The following ADAMTS10 variants were observed in gnomAD, a reference collection of about 807,000 sequenced individuals.
ADAMTS10 encodes the protein A disintegrin and metalloproteinase with thrombospondin motifs 10.
ADAMTS10 carries 48 observed loss-of-function variants against 135.9 expected under a neutral mutation model. The ratio of observed to expected loss-of-function variants is 0.35; its 90% CI spans 0.28 to 0.45. The LOEUF (loss-of-function observed/expected upper bound fraction) is 0.45. Ranked by LOEUF, ADAMTS10 falls within the 20% of genes least tolerant of loss-of-function variation. The pLI, the probability that ADAMTS10 is intolerant of heterozygous loss-of-function variation, is 1.00. For synonymous variants in ADAMTS10, 621 were observed against 647.5 expected (o/e 0.96, Z 0.62); for missense variants, 1,131 against 1,565.2 (o/e 0.72, Z 4.68).
chr19:8,598,798 C>A (rs2042632974), intron 6 of ADAMTS10, among the ~76,000 whole-genome samples: 1 of 151,878 alleles, frequency 6.6e-6, no homozygotes, highest in Admixed American at 6.6e-5. Context: ...TTGTTTCGAA[C>A]TCCCGACCTC....
intron 4 of ADAMTS10, 29 bp from the exon 5 acceptor site, chr19:8,603,913 T>G: frequency 6.3e-7 from 1 of 1,585,576 alleles, no homozygotes; most frequent in Non-Finnish European, 8.6e-7. Flanking sequence ...GATAGAAAGC[T>G]CTCAGGATCA....
In ADAMTS10 at chr19:8,589,295, C is replaced by T; in HGVS notation, c.2105G>A (p.Gly702Asp). ...GCCCTCGATGGTCTCGCAGGCACTG[C>T]CGTCACCGCCACACACTCGGCACTT... ...EDKCRVCGGD[G>D]SACETIEGVF... Residue 702 changes from glycine (G) to aspartate (D), a missense_variant, in exon 18 of 26, where the codon GGC becomes GAC. Around this residue, in one of 3 missense-constraint regions of ADAMTS10, gnomAD observed 745 missense variants for 1,056.3 expected, o/e 0.71. Coordinates refer to ENST00000597188, the MANE Select transcript of ADAMTS10 (RefSeq NM_030957.4). 6.2e-7 allele frequency: 1 copy of T among 1,612,464 alleles called. No individual in the cohort carries two copies.
intron 6 of ADAMTS10, among the ~76,000 whole-genome samples, chr19:8,599,668 G>A (rs1017545935): frequency 6.6e-6 from 1 of 151,436 alleles, no homozygotes; most frequent in African/African-American, 2.4e-5. Context: ...ATGAATGAAT[G>A]ACAGGGATTA....
At chr19:8,602,192 G>A (rs782491108) in intron 5 of ADAMTS10, among the ~76,000 whole-genome samples, 4 of 152,080 alleles carry the variant, frequency 2.6e-5, no homozygotes, top group Non-Finnish European at 5.9e-5. Context: ...GACATCGTAC[G>A]TCATCCACCT....
intron 16 of ADAMTS10, 40 bp from the exon 17 acceptor site, chr19:8,589,625 C>G (rs1555738382): frequency 6.2e-7 from 1 of 1,611,700 alleles, no homozygotes; most frequent in Non-Finnish European, 8.5e-7. Flanking sequence ...GCCAGGCCAC[C>G]CCGGAACTCT....
intron 2 of ADAMTS10, among the ~76,000 whole-genome samples, chr19:8,607,020 G>C (rs1000634220): frequency 6.6e-6 from 1 of 152,136 alleles, no homozygotes; most frequent in Non-Finnish European, 1.5e-5. Flanking sequence ...TCAAAGGCCT[G>C]GAGGTTGGGT....
At chr19:8,590,338 A>G (rs1555738616) in intron 15 of ADAMTS10, among the ~76,000 whole-genome samples, 1 of 152,096 alleles carries the variant, frequency 6.6e-6, no homozygotes, top group East Asian at 1.9e-4. Context: ...ACAGTGCATG[A>G]TCTTAGCTCA....
Position 8,586,607 on chromosome 19 carries a change from A to G in ADAMTS10, c.2354T>C (p.Val785Ala). The G allele has an allele frequency of 1.2e-6, 2 of 1,614,002 alleles. No individual in the cohort carries two copies. Among genetic ancestry groups the G allele is most frequent in the Non-Finnish European group, 1.7e-6 (2 of 1,180,002 alleles). ...CGGTCCCAGGGCTTCGAGGCTCTGG[A>G]CCTGGTCTGGCCCCTGTCGCAGTTG... ...TFQLRQGPDQ[V>A]QSLEALGPIN... Residue 785 changes from valine to alanine, a missense_variant, in exon 20 of 26, where the codon GTC becomes GCC. This residue lies in a region of ADAMTS10 where 745 missense variants were observed against 1,056.3 expected (regional missense o/e 0.71). Transcript: ENST00000597188.
chr19:8,608,584 A>G (rs1358109446), intron 1 of ADAMTS10, among the ~76,000 whole-genome samples: 1 of 152,110 alleles, frequency 6.6e-6, no homozygotes, highest in Non-Finnish European at 1.5e-5. Flanking sequence ...CAAGTGAAGC[A>G]GGGACCTCAC....
At chr19:8,592,446 G>A (rs1235943799) in intron 13 of ADAMTS10, among the ~76,000 whole-genome samples, 1 of 152,052 alleles carries the variant, frequency 6.6e-6, no homozygotes, top group Non-Finnish European at 1.5e-5. Flanking sequence ...ACAGGGGATG[G>A]GCGTGGCCAA....
In ADAMTS10 at chr19:8,586,573, T is replaced by C. The variant is rs199521347; in HGVS notation, c.2388A>G (p.Ala796=). The part of the protein sequence containing the change: ...QSLEALGPIN[A]SLIVMVLART... ...TCCCTGTTACCATGACGATGAGAGA[T>C]GCATTAATCGGTCCCAGGGCTTCGA... The change falls in exon 20 of 26, where the codon GCA becomes GCG. Residue 796 remains alanine (A), a synonymous_variant. Coordinates refer to ENST00000597188, the MANE Select transcript of ADAMTS10 (RefSeq NM_030957.4). 399 of 1,613,716 alleles carry C rather than the reference T, an allele frequency of 2.5e-4. No homozygotes were observed. Among genetic ancestry groups the C allele is most frequent in the Non-Finnish European group, 2.9e-4 (348 of 1,180,000 alleles).
chr19:8,586,169 C>T lies in ADAMTS10; in HGVS notation c.2613G>A (p.Lys871=), dbSNP rs1555737096. The T allele has an allele frequency of 6.2e-7, 1 of 1,612,776 alleles. No homozygotes were observed. The change falls in exon 22 of 26, where the codon AAG becomes AAA. Residue 871 remains lysine, a synonymous_variant. Transcript: ENST00000597188. ...TGCAGGCGCGCTGCCTTTTGGGCAG[C>T]TTGCTGTGGGCACTGCAGTAGTGGG... is the stretch of plus-strand genomic sequence containing the variant. The part of the protein sequence containing the change: ...VAPHYCSAHS[K]LPKRQRACNT...
rs1555737124 is a variant in ADAMTS10, at chr19:8,586,231, C to T, written c.2551G>A (p.Glu851Lys). The change falls in exon 22 of 26, where the codon GAG (glutamate) becomes AAG (lysine). Residue 851 changes from glutamate to lysine, a missense_variant. Glu to Lys is a moderately conservative substitution (Grantham distance 56). Coordinates refer to ENST00000597188, the MANE Select transcript of ADAMTS10 (RefSeq NM_030957.4). The part of the protein sequence containing the change: ...CAGGSQVQAV[E>K]CRNQLDSSAV... ...GAGCTGTCCAGCTGGTTGCGGCACT[C>T]CACCGCCTGCACCTGGCTACCTGGA... is the stretch of plus-strand genomic sequence containing the variant. 1.2e-6 allele frequency: 2 copies of T among 1,613,070 alleles called. No homozygotes were observed. The highest frequency in any genetic ancestry group is 2.2e-5 in the South Asian group (2 of 91,040).
At chr19:8,593,161 G>A in intron 12 of ADAMTS10, 1 of 506,424 alleles carries the variant, frequency 2.0e-6, no homozygotes. Context: ...GACAGGTAAG[G>A]TCACACAGCT....
At chr19:8,595,646 C>G in intron 12 of ADAMTS10, 116 bp downstream of exon 12, 2 of 1,525,922 alleles carry the variant, frequency 1.3e-6, no homozygotes, top group South Asian at 1.1e-5. Flanking sequence ...ACCTCACCCC[C>G]CTTCCCGGTT....
At chr19:8,594,275 A>G (rs1168718247) in intron 12 of ADAMTS10, among the ~76,000 whole-genome samples, 3 of 152,192 alleles carry the variant, frequency 2.0e-5, no homozygotes, top group African/African-American at 7.2e-5. Context: ...CAAGATGGGC[A>G]GCCTAATGCC....
chr19:8,591,218 C>T (rs1555738811), intron 15 of ADAMTS10, among the ~76,000 whole-genome samples: 1 of 151,720 alleles, frequency 6.6e-6, no homozygotes, highest in South Asian at 2.1e-4. Context: ...AGGGGAGAGA[C>T]TGGATGGTAG....
chr19:8,586,673 G>T lies in ADAMTS10; in HGVS notation c.2288C>A (p.Thr763Asn), dbSNP rs141673640. ...TAGAGGCAGACGGTGGGGCTGGGGG[G>T]TCCCAGGCAGCCCCTCCAGCAGCAG... is the stretch of plus-strand genomic sequence containing the variant. ...ESLLLEGLPGTPQPHRLPLAG... is the reference protein window; with the variant it reads ...ESLLLEGLPGNPQPHRLPLAG... Residue 763 changes from threonine (T) to asparagine (N), a missense_variant, in exon 20 of 26, where the codon ACC becomes AAC. By Grantham distance (65) the Thr-to-Asn change is moderately conservative (BLOSUM62 0). This residue lies in a region of ADAMTS10 where 745 missense variants were observed against 1,056.3 expected (regional missense o/e 0.71). Transcript: ENST00000597188. 3 of 1,613,084 alleles carry T rather than the reference G, an allele frequency of 1.9e-6. No individual in the cohort carries two copies. The highest frequency in any genetic ancestry group is 1.3e-5 in the African/African-American group (1 of 74,848).
intron 1 of ADAMTS10, among the ~76,000 whole-genome samples, chr19:8,609,499 G>A (rs1418159603): frequency 3.3e-5 from 5 of 152,070 alleles, no homozygotes; most frequent in African/African-American, 1.2e-4. Flanking sequence ...CCCCGTGGAG[G>A]CCAAGGCCGC....
Sources: allele counts gnomAD v4.1 joint callset (sites outside exome capture counted in the v4.1 genomes callset), GRCh38; gene constraint gnomAD v4.1.1; regional missense constraint gnomAD v4.1.1; transcripts MANE v1.5; gene names NCBI Gene and HGNC (gene_info 2026-07-23, HGNC 2026-07-21).